The following HPSE2 variants were observed in gnomAD, a reference collection of about 807,000 sequenced individuals.
The protein encoded by HPSE2 is heparanase 2 (inactive).
In HPSE2, 38 loss-of-function variants were observed where a neutral mutation model predicts 60.5. The observed-to-expected ratio is 0.63, with a 90% CI of 0.48 to 0.82. HPSE2 has a LOEUF of 0.82. HPSE2 is among the 40% of genes least tolerant of loss of function. The pLI is 0.00. For synonymous variants in HPSE2, 295 were observed against 293.2 expected (o/e 1.01, Z -0.06); for missense variants, 713 against 740.4 (o/e 0.96, Z 0.43).
At chr10:99,201,169 G>A (rs1848564503) in intron 2 of HPSE2, among the ~76,000 whole-genome samples, 1 of 152,004 alleles carries the variant, frequency 6.6e-6, no homozygotes. Flanking sequence ...AAATACAAAT[G>A]TCTCCCTTTC....
At chr10:98,813,130 C>A (rs892851280) in intron 3 of HPSE2, among the ~76,000 whole-genome samples, 1 of 152,110 alleles carries the variant, frequency 6.6e-6, no homozygotes, top group Non-Finnish European at 1.5e-5. Flanking sequence ...TCTATTACCC[C>A]CAATGACCTT....
intron 3 of HPSE2, among the ~76,000 whole-genome samples, chr10:99,082,993 T>C (rs1843197888): frequency 6.6e-6 from 1 of 152,174 alleles, no homozygotes; most frequent in Non-Finnish European, 1.5e-5. Context: ...TGAGGAAGCC[T>C]TTGTTTAGAG....
In HPSE2 at chr10:99,004,031, A is replaced by G. The variant is rs765310491; in HGVS notation, c.610+140207T>C. On this transcript the variant is annotated intron_variant, in intron 3 of 11. Transcript: ENST00000370552. ...GTGGAAATTCAGTTTTCTCAACACT[A>G]TTTTATTTGATATAAGTATAGTTAC... Among the ~76,000 whole-genome samples, 10 of 152,202 alleles carry G rather than the reference A, an allele frequency of 6.6e-5. No homozygotes were observed. In the East Asian group the frequency reaches 1.9e-3, roughly 29 times the overall value.
At chr10:99,202,936 A>G (rs1285741093) in intron 2 of HPSE2, among the ~76,000 whole-genome samples, 1 of 152,164 alleles carries the variant, frequency 6.6e-6, no homozygotes, top group African/African-American at 2.4e-5. Flanking sequence ...AGAGAAGGAA[A>G]GAGAAGGAAG....
At chr10:98,966,484 T>C (rs1955817547) in intron 3 of HPSE2, among the ~76,000 whole-genome samples, 1 of 152,080 alleles carries the variant, frequency 6.6e-6, no homozygotes, top group South Asian at 2.1e-4. Context: ...TAGTCATATA[T>C]TGAATGAGAG....
chr10:98,686,362 T>C (rs1387404792), intron 6 of HPSE2, among the ~76,000 whole-genome samples: 1 of 152,192 alleles, frequency 6.6e-6, no homozygotes, highest in Non-Finnish European at 1.5e-5. Flanking sequence ...CATTTCAAAA[T>C]AGTTTTCTAC....
At chr10:98,899,676 G>C (rs1307158041) in intron 3 of HPSE2, among the ~76,000 whole-genome samples, 1 of 151,428 alleles carries the variant, frequency 6.6e-6, no homozygotes, top group Admixed American at 6.6e-5. Flanking sequence ...TTTTGGTGAG[G>C]AGGTAGAGGA....
At chr10:99,035,667 T>C (rs972689431) in intron 3 of HPSE2, among the ~76,000 whole-genome samples, 3 of 152,222 alleles carry the variant, frequency 2.0e-5, no homozygotes, top group Non-Finnish European at 4.4e-5. Context: ...TACACCAGCA[T>C]CACTATAAAC....
At chr10:99,072,004 G>A (rs1842805208) in intron 3 of HPSE2, among the ~76,000 whole-genome samples, 1 of 146,620 alleles carries the variant, frequency 6.8e-6, no homozygotes, top group Non-Finnish European at 1.5e-5. Flanking sequence ...TTCAGGAAGT[G>A]GATTGCCTCT....
intron 3 of HPSE2, among the ~76,000 whole-genome samples, chr10:98,908,455 G>A (rs924360576): frequency 1.9e-4 from 29 of 152,052 alleles, no homozygotes; most frequent in African/African-American, 6.0e-4. Flanking sequence ...AGGCTGAGGC[G>A]GGTGGATCAC....
Position 99,235,631 on chromosome 10 carries a change from T to C in HPSE2, c.172A>G (p.Lys58Glu). 3.1e-6 allele frequency: 5 copies of C among 1,614,082 alleles called. No homozygotes were observed. Among genetic ancestry groups the C allele is most frequent in the Non-Finnish European group, 4.2e-6 (5 of 1,180,020 alleles). The change falls in exon 1 of 12, where the codon AAG (lysine) becomes GAG (glutamate). Residue 58 changes from lysine to glutamate, a missense_variant. Physicochemically the swap from Lys to Glu is moderately conservative, Grantham distance 56. Transcript: ENST00000370552. ...PVDRAAGLKE[K>E]TLILLDVSTK... ...CTCACATCAAGTAGAATCAGGGTCTTTTCCTTCAAACCTGCAGCTCTGTCT... is the reference window on the plus strand; with the variant it reads ...CTCACATCAAGTAGAATCAGGGTCTCTTCCTTCAAACCTGCAGCTCTGTCT...
At chr10:99,144,139 A>T in intron 3 of HPSE2, 99 bp downstream of exon 3, 1 of 1,141,064 alleles carries the variant, frequency 8.8e-7, no homozygotes, top group Non-Finnish European at 1.3e-6. Context: ...ATCACAATTT[A>T]AAAAGTGATA....
chr10:98,497,127 A>T (rs138558114), intron 9 of HPSE2, among the ~76,000 whole-genome samples: 4 of 152,254 alleles, frequency 2.6e-5, no homozygotes, highest in Admixed American at 6.5e-5. Flanking sequence ...CATATAATGA[A>T]TAACCTATCC....
At chr10:98,931,385 T>G (rs1954636857) in intron 3 of HPSE2, among the ~76,000 whole-genome samples, 1 of 144,254 alleles carries the variant, frequency 6.9e-6, no homozygotes, top group Non-Finnish European at 1.5e-5. Flanking sequence ...TGTAGTACAG[T>G]TTGAAGTTGG....
At chr10:98,620,052 C>T (rs1340654114) in intron 8 of HPSE2, among the ~76,000 whole-genome samples, 2 of 152,176 alleles carry the variant, frequency 1.3e-5, no homozygotes, top group African/African-American at 2.4e-5. Flanking sequence ...ATCTATTTCA[C>T]TAAATTGTTA....
At chr10:99,249,338 G>C in the HPSE2 span, among the ~76,000 whole-genome samples, 6 of 152,200 alleles carry the variant, frequency 3.9e-5, no homozygotes, top group South Asian at 2.1e-4. Flanking sequence ...CTGAATATGA[G>C]ACATGGAGTC....
the HPSE2 span, among the ~76,000 whole-genome samples, chr10:99,302,785 A>G: frequency 6.6e-6 from 1 of 151,768 alleles, no homozygotes; most frequent in Admixed American, 6.6e-5. Context: ...ACCAAGGCCT[A>G]TGAACTTTGT....
chr10:98,624,001 A>T (rs1946140578), intron 7 of HPSE2, among the ~76,000 whole-genome samples: 1 of 152,194 alleles, frequency 6.6e-6, no homozygotes, highest in Non-Finnish European at 1.5e-5. Context: ...AGGATTTCCC[A>T]TCTAAAAACA....
At chr10:98,820,072 G>C (rs1024550396) in intron 3 of HPSE2, among the ~76,000 whole-genome samples, 1 of 151,818 alleles carries the variant, frequency 6.6e-6, no homozygotes. Flanking sequence ...GTGGACACTG[G>C]GAGTCAAATT....
Sources: allele counts gnomAD v4.1 joint callset (sites outside exome capture counted in the v4.1 genomes callset), GRCh38; gene constraint gnomAD v4.1.1; transcripts MANE v1.5; gene names NCBI Gene and HGNC (gene_info 2026-07-23, HGNC 2026-07-21).